The following MYH10 variants were observed in gnomAD, a reference collection of about 807,000 sequenced individuals.
The protein encoded by MYH10 is myosin heavy chain 10.
Under a neutral mutation model 257.8 loss-of-function variants are expected in MYH10, and 55 were observed. That is an observed-to-expected ratio of 0.21 (90% confidence interval 0.17 to 0.27). The LOEUF is 0.27. Ranked by LOEUF, MYH10 falls within the 10% of genes least tolerant of loss-of-function variation. MYH10 has a pLI of 1.00. For synonymous variants in MYH10, 854 were observed against 921.7 expected (o/e 0.93, Z 1.33); for missense variants, 1,631 against 2,500.6 (o/e 0.65, Z 7.42).
chr17:8,605,693 C>T (rs1263515904), intron 2 of MYH10, among the ~76,000 whole-genome samples: 3 of 152,088 alleles, frequency 2.0e-5, no homozygotes, highest in African/African-American at 7.2e-5. Context: ...TGCAGTAAGC[C>T]TAGATCGCAT....
Position 8,542,308 on chromosome 17 carries a change from A to T in MYH10, c.1432-28T>A, listed in dbSNP as rs759022504. On this transcript the variant is annotated intron_variant, in intron 13 of 42. Coordinates refer to ENST00000360416, the MANE Select transcript of MYH10 (RefSeq NM_001256012.3). ...ACAAATGTCAAAGGGTAATTTTCCA[A>T]ACATGGGGAGGTGGAGGGAAAATGG... is the stretch of plus-strand genomic sequence containing the variant. 5 of 1,601,902 alleles carry T rather than the reference A, an allele frequency of 3.1e-6. No individual in the cohort carries two copies. In the African/African-American group the frequency reaches 4.0e-5, roughly 13 times the overall value.
At chr17:8,622,455 C>T (rs2085502611) in intron 2 of MYH10, among the ~76,000 whole-genome samples, 2 of 152,218 alleles carry the variant, frequency 1.3e-5, no homozygotes, top group African/African-American at 4.8e-5. Context: ...TACTTCCCTA[C>T]TACATCCAGT....
At chr17:8,514,594 TCA>T (rs912599245) in intron 21 of MYH10, among the ~76,000 whole-genome samples, 11 of 152,044 alleles carry the variant, frequency 7.2e-5, no homozygotes, top group Non-Finnish European at 2.9e-5. Flanking sequence ...TTTCAATTTC[TCA>T]CTCTCCTTCA....
rs71159601 is a variant in MYH10, at chr17:8,592,933, CTATATATATATATATATA to C, written c.503-3843_503-3826del. Among the ~76,000 whole-genome samples, 41 of 44,748 alleles carry C rather than the reference CTATATATATATATATATA, an allele frequency of 9.2e-4. 6 individuals are homozygous for C. Among genetic ancestry groups the C allele is most frequent in the East Asian group, 9.9e-4 (1 of 1,010 alleles). The allele number at this position is 44,748 out of a possible 152,430, so 29.4% of individuals were successfully genotyped here. The stretch of plus-strand genomic sequence containing the variant: ...CAAAATGTTGGTAAATCAAATCCAG[CTATATATATATATATATA>C]TATATATATATATATATATAAAAGA... On this transcript the variant is annotated intron_variant, in intron 3 of 42. Coordinates refer to ENST00000360416, the MANE Select transcript of MYH10 (RefSeq NM_001256012.3).
rs200259616 is a variant in MYH10 at position 8,495,249 on chromosome 17, G to A, written c.3952-8C>T. 7 of 1,549,234 alleles carry A rather than the reference G, an allele frequency of 4.5e-6. No homozygotes were observed. In the East Asian group the frequency reaches 1.1e-4, roughly 25 times the overall value. On this transcript the variant is annotated splice_region_variant and splice_polypyrimidine_tract_variant and intron_variant, in intron 30 of 42. Transcript: ENST00000360416. ...GACATTATCTAGCTCATTCTGTAAGGAGCAGAAGATTAAATTCAACTCAAT... is the reference window on the plus strand; with the variant it reads ...GACATTATCTAGCTCATTCTGTAAGAAGCAGAAGATTAAATTCAACTCAAT...
rs947214227 is a variant in MYH10, at chr17:8,589,141, A to C, written c.503-33T>G. On this transcript the variant is annotated intron_variant, in intron 3 of 42. Coordinates refer to ENST00000360416, the MANE Select transcript of MYH10 (RefSeq NM_001256012.3). The stretch of plus-strand genomic sequence containing the variant: ...ACAGAACAAAACAAACAAAAAAAAG[A>C]AAGTGACCATTTGCCTGGTTTTAAA... The C allele has an allele frequency of 2.5e-6, 4 of 1,606,688 alleles. No individual in the cohort carries two copies. In the African/African-American group the frequency reaches 5.4e-5, roughly 22 times the overall value.
chr17:8,582,108 A>AT (rs1436019096), intron 4 of MYH10, among the ~76,000 whole-genome samples: 1 of 152,228 alleles, frequency 6.6e-6, no homozygotes, highest in Non-Finnish European at 1.5e-5. Context: ...GGTAATGGAA[A>AT]TTTTTAAAAT....
chr17:8,610,573 A>G (rs1009028619), intron 2 of MYH10, among the ~76,000 whole-genome samples: 2 of 152,184 alleles, frequency 1.3e-5, no homozygotes, highest in African/African-American at 2.4e-5. Flanking sequence ...CAATGTTGGG[A>G]GGTGAGGCCT....
At chr17:8,482,676 G>T (rs1336919536) in intron 37 of MYH10, among the ~76,000 whole-genome samples, 1 of 152,234 alleles carries the variant, frequency 6.6e-6, no homozygotes, top group Non-Finnish European at 1.5e-5. Context: ...GTCAGAAATA[G>T]GGGGAAGGGC....
chr17:8,495,979 G>A (rs1390474229), intron 30 of MYH10, among the ~76,000 whole-genome samples: 2 of 152,182 alleles, frequency 1.3e-5, no homozygotes, highest in Non-Finnish European at 2.9e-5. Flanking sequence ...AAAGTGCTGG[G>A]ATGACAGATG....
At chr17:8,591,018 G>A (rs1286315949) in intron 3 of MYH10, among the ~76,000 whole-genome samples, 2 of 151,230 alleles carry the variant, frequency 1.3e-5, no homozygotes, top group Non-Finnish European at 2.9e-5. Flanking sequence ...GACTACAGGC[G>A]CCCGCCACCA....
Position 8,549,086 on chromosome 17 carries a change from A to G in MYH10, c.920-299T>C, listed in dbSNP as rs576252679. Reference sequence around the variant, plus strand: ...AATTGGTTATCTGCGAAATGATGTCAATTGTCCAGATGACAAAACTCTATT... The same window carrying G: ...AATTGGTTATCTGCGAAATGATGTCGATTGTCCAGATGACAAAACTCTATT... On this transcript the variant is annotated intron_variant, in intron 9 of 42. Coordinates refer to ENST00000360416, the MANE Select transcript of MYH10 (RefSeq NM_001256012.3). 1.8e-3 allele frequency among the ~76,000 whole-genome samples: 276 copies of G among 152,356 alleles called. 2 individuals carry two copies. Among genetic ancestry groups the G allele is most frequent in the African/African-American group, 6.3e-3 (264 of 41,586 alleles).
In MYH10 at chr17:8,521,009, C is replaced by T; in HGVS notation, c.2152-10G>A. 6.2e-7 allele frequency: 1 copy of T among 1,609,834 alleles called. No individual in the cohort carries two copies. ...GATCCAATTTTCCAGCCTAATCAAG[C>T]AAACAATAGTTTCATGGTTTAATCT... On this transcript the variant is annotated splice_polypyrimidine_tract_variant and intron_variant, in intron 18 of 42. Transcript: ENST00000360416.
rs567127617 is a variant in MYH10 at position 8,610,356 on chromosome 17, C to T, written c.346-5374G>A. On this transcript the variant is annotated intron_variant, in intron 2 of 42. Transcript: ENST00000360416. The stretch of plus-strand genomic sequence containing the variant: ...GTAACCCCAGCACTTTGGGAAGCCA[C>T]GGTGGGAAGATCACTTGAGCTCAGG... Among the ~76,000 whole-genome samples, 92 of 144,066 alleles carry T rather than the reference C, an allele frequency of 6.4e-4. 1 individual carries two copies. Among genetic ancestry groups the T allele is most frequent in the African/African-American group, 2.3e-3 (89 of 38,068 alleles). 94.5% of individuals were successfully genotyped at this position (144,066 alleles called of 152,430 possible).
chr17:8,497,244 G>A (rs374028964), intron 30 of MYH10, among the ~76,000 whole-genome samples: 5 of 152,100 alleles, frequency 3.3e-5, no homozygotes, highest in African/African-American at 7.2e-5. Flanking sequence ...CTTGGGCCTC[G>A]GACACAAGAC....
intron 35 of MYH10, among the ~76,000 whole-genome samples, chr17:8,489,746 C>CA (rs1451899373): frequency 1.0e-4 from 15 of 149,626 alleles, no homozygotes; most frequent in African/African-American, 3.0e-4. Context: ...CACACACACA[C>CA]CCCAAATCCA....
rs144155128 is a variant in MYH10 at position 8,600,175 on chromosome 17, T to C, written c.502+4651A>G. ...GTAACAGCATTAAAAGAGACAAATA[T>C]CTTGATTCATCCAGCGTGAGTTTTA... is the stretch of plus-strand genomic sequence containing the variant. On this transcript the variant is annotated intron_variant, in intron 3 of 42. Coordinates refer to ENST00000360416, the MANE Select transcript of MYH10 (RefSeq NM_001256012.3). 4.9e-3 allele frequency among the ~76,000 whole-genome samples: 740 copies of C among 152,184 alleles called. 3 individuals carry two copies. The highest frequency in any genetic ancestry group is 0.017 in the African/African-American group (701 of 41,516).
chr17:8,485,831 A>C (rs1281987885), intron 36 of MYH10, among the ~76,000 whole-genome samples: 1 of 152,208 alleles, frequency 6.6e-6, no homozygotes, highest in African/African-American at 2.4e-5. Flanking sequence ...TCCTAGGTAT[A>C]TTTCTGAGAA....
At chr17:8,530,435 ATAAAAC>A (rs1213947258) in intron 17 of MYH10, among the ~76,000 whole-genome samples, 182 bp downstream of exon 17, 1 of 152,194 alleles carries the variant, frequency 6.6e-6, no homozygotes, top group Non-Finnish European at 1.5e-5. Context: ...TTGAAGTATA[ATAAAAC>A]TGAGCATGAA....
Sources: gnomAD v4.1 joint callset for allele counts (sites outside exome capture counted in the v4.1 genomes callset) on GRCh38, gnomAD v4.1.1 for gene constraint, MANE v1.5 for transcripts, NCBI Gene and HGNC (gene_info 2026-07-23, HGNC 2026-07-21) for gene names.